SNX30: variants seen among roughly 807,000 people sequenced by gnomAD.
SNX30 encodes the protein sorting nexin-30.
SNX30 carries 24 observed loss-of-function variants against 46.4 expected under a neutral mutation model. The observed-to-expected ratio is 0.52, with a 90% confidence interval of 0.37 to 0.73. The LOEUF is 0.73. Among genes scored for constraint, SNX30 ranks in the 30% least tolerant of loss-of-function variants. SNX30 has a pLI of 0.00. For missense variants in SNX30, 533 were observed against 555.7 expected, an observed-to-expected ratio of 0.96 and a Z score of 0.41; for synonymous variants, 189 against 211.5, an observed-to-expected ratio of 0.89 and a Z score of 0.92.
intron 3 of SNX30, among the ~76,000 whole-genome samples, chr9:112,828,769 G>A (rs1278594057): frequency 6.6e-6 from 1 of 152,084 alleles, no homozygotes; most frequent in Admixed American, 6.5e-5. Flanking sequence ...CTTTTATTGT[G>A]CTAAAAAACA....
chr9:112,777,625 T>A (rs1588112764), intron 1 of SNX30, among the ~76,000 whole-genome samples: 1 of 88,260 alleles, frequency 1.1e-5, no homozygotes, highest in East Asian at 3.2e-4. Flanking sequence ...TTTTTTTTTT[T>A]TTTGTGGAGA....
intron 8 of SNX30, chr9:112,866,539 C>G (rs1430030123): frequency 2.1e-6 from 1 of 470,604 alleles, no homozygotes; most frequent in Non-Finnish European, 4.4e-6. Context: ...TGGAATGCCA[C>G]AGACCCCAGA....
intron 1 of SNX30, among the ~76,000 whole-genome samples, chr9:112,768,617 T>TTTGTAAAGTTTCTCTAGA (rs1839585400): frequency 1.3e-5 from 2 of 150,610 alleles, no homozygotes; most frequent in African/African-American, 2.4e-5. Flanking sequence ...TTTTTTTTTT[T>TTTGTAAAGTTTCTCTAGA]TGTAAAGTTT....
chr9:112,815,567 G>A (rs1840384047), intron 2 of SNX30, among the ~76,000 whole-genome samples: 1 of 152,044 alleles, frequency 6.6e-6, no homozygotes, highest in African/African-American at 2.4e-5. Context: ...CACCATGTTG[G>A]CCAGGCTGAT....
intron 1 of SNX30, among the ~76,000 whole-genome samples, chr9:112,756,873 T>G (rs1318219948): frequency 6.6e-6 from 1 of 152,232 alleles, no homozygotes; most frequent in Non-Finnish European, 1.5e-5. Context: ...CACATTTTAT[T>G]GTGTTTATTT....
rs375783696 is a variant in SNX30 at position 112,868,794 on chromosome 9, C to G, written c.1265C>G (p.Ala422Gly). The G allele has an allele frequency of 1.4e-5, 23 of 1,613,912 alleles. No individual in the cohort carries two copies. The highest frequency in any genetic ancestry group is 1.9e-5 in the Non-Finnish European group (22 of 1,179,928). The change falls in exon 9 of 9, where the codon GCG (alanine) becomes GGG (glycine). Residue 422 changes from alanine (A) to glycine (G), a missense_variant. Transcript: ENST00000374232. ...ATGTTGTCGTTCCAGTGCCTCATGG[C>G]GTGGGAGTCGATTATTCCACTACTG... Reference protein sequence around the residue: ...NIQYYEKCLMAWESIIPLLQE... With the variant: ...NIQYYEKCLMGWESIIPLLQE...
chr9:112,761,852 A>G (rs1839441944), intron 1 of SNX30, among the ~76,000 whole-genome samples: 2 of 152,098 alleles, frequency 1.3e-5, no homozygotes, highest in Admixed American at 1.3e-4. Flanking sequence ...CTTTTTTATT[A>G]AATAGATGTA....
intron 2 of SNX30, among the ~76,000 whole-genome samples, 175 bp downstream of exon 2, chr9:112,805,142 A>G (rs927800656): frequency 1.3e-5 from 2 of 152,210 alleles, no homozygotes; most frequent in Non-Finnish European, 2.9e-5. Flanking sequence ...AGGATTATAT[A>G]TAATAGTTTT....
At chr9:112,863,638 C>T (rs1161949066) in intron 7 of SNX30, among the ~76,000 whole-genome samples, 1 of 152,202 alleles carries the variant, frequency 6.6e-6, no homozygotes, top group Non-Finnish European at 1.5e-5. Flanking sequence ...TCAGACTTCT[C>T]TAACTCTCCA....
intron 3 of SNX30, among the ~76,000 whole-genome samples, chr9:112,829,095 T>C (rs1840621410): frequency 6.6e-6 from 1 of 152,218 alleles, no homozygotes. Context: ...ACTTAGTTTT[T>C]ATGACAAACT....
At chr9:112,789,250 T>C (rs1328600360) in intron 1 of SNX30, among the ~76,000 whole-genome samples, 1 of 152,148 alleles carries the variant, frequency 6.6e-6, no homozygotes, top group Non-Finnish European at 1.5e-5. Flanking sequence ...ATTTTTGTGT[T>C]GGGGATCTTA....
In SNX30 at chr9:112,864,269, G is replaced by A; in HGVS notation, c.1124G>A (p.Cys375Tyr). Residue 375 changes from cysteine to tyrosine, a missense_variant, in exon 8 of 9, where the codon TGT (cysteine) becomes TAT (tyrosine). This residue lies in a region of SNX30 where 261 missense variants were observed against 270.9 expected (regional missense o/e 0.96). Transcript: ENST00000374232. ...CAGGTACCGGCGGACGTCGAGAAAT[G>A]TCAGGATCGGATGGAGTGTTTCAAT... ...RPKVPADVEK[C>Y]QDRMECFNAD... 6.2e-7 allele frequency: 1 copy of A among 1,614,122 alleles called. No individual in the cohort carries two copies. The highest frequency in any genetic ancestry group is 8.5e-7 in the Non-Finnish European group (1 of 1,180,010).
intron 2 of SNX30, among the ~76,000 whole-genome samples, chr9:112,809,563 G>T (rs1435719793): frequency 2.1e-5 from 3 of 145,950 alleles, no homozygotes; most frequent in African/African-American, 5.2e-5. Flanking sequence ...CCAGTGGTGT[G>T]TAAAAAAAAA....
intron 1 of SNX30, among the ~76,000 whole-genome samples, chr9:112,776,136 C>T (rs1382267729): frequency 6.6e-6 from 1 of 152,088 alleles, no homozygotes; most frequent in East Asian, 1.9e-4. Context: ...CCAGTGGGCC[C>T]TTTTAGTTTT....
chr9:112,756,041 A>T (rs1358794793), intron 1 of SNX30, among the ~76,000 whole-genome samples: 1 of 152,282 alleles, frequency 6.6e-6, no homozygotes, highest in Middle Eastern at 3.4e-3. Flanking sequence ...GAATATATAC[A>T]TGAAGTTTAT....
intron 1 of SNX30, among the ~76,000 whole-genome samples, chr9:112,763,213 G>A (rs1385896827): frequency 2.0e-5 from 3 of 151,918 alleles, no homozygotes; most frequent in African/African-American, 7.3e-5. Flanking sequence ...TGTTGCCCAG[G>A]CTGGAGTATA....
chr9:112,794,569 A>G (rs1343481794), intron 1 of SNX30, among the ~76,000 whole-genome samples: 4 of 152,200 alleles, frequency 2.6e-5, no homozygotes, highest in African/African-American at 7.2e-5. Context: ...AGATGCCTTG[A>G]GAGGCTTTGT....
chr9:112,773,879 GTCTTCTCCTTAATT>G (rs1839693989), intron 1 of SNX30, among the ~76,000 whole-genome samples: 1 of 152,102 alleles, frequency 6.6e-6, no homozygotes, highest in Non-Finnish European at 1.5e-5. Flanking sequence ...AAATGTTCAC[GTCTTCTCCTTAATT>G]TGATTTTCAT....
intron 7 of SNX30, among the ~76,000 whole-genome samples, chr9:112,862,830 G>C (rs1404538893): frequency 6.6e-6 from 1 of 151,918 alleles, no homozygotes; most frequent in Non-Finnish European, 1.5e-5. Context: ...CCAAAGTGCT[G>C]GGAGGCATGA....
Sources: allele counts gnomAD v4.1 joint callset (sites outside exome capture counted in the v4.1 genomes callset), GRCh38; gene constraint gnomAD v4.1.1; regional missense constraint gnomAD v4.1.1; transcripts MANE v1.5; gene names NCBI Gene and HGNC (gene_info 2026-07-23, HGNC 2026-07-21).